ADGRL3: variants seen among roughly 807,000 people sequenced by gnomAD.
ADGRL3 encodes calcium-independent alpha-latrotoxin receptor 3.
Under a neutral mutation model 153.5 loss-of-function variants are expected in ADGRL3, and 62 were observed. The ratio of observed to expected loss-of-function variants is 0.40; its 90% CI spans 0.33 to 0.50. The LOEUF is 0.50. Among genes scored for constraint, ADGRL3 ranks in the 20% least tolerant of loss-of-function variants. The pLI is 0.47. For missense variants in ADGRL3, 1,641 were observed against 1,859.4 expected, an observed-to-expected ratio of 0.88 and a Z score of 2.16; for synonymous variants, 710 against 672.5, an observed-to-expected ratio of 1.06 and a Z score of -0.86.
intron 6 of ADGRL3, among the ~76,000 whole-genome samples, chr4:61,730,321 T>G (rs886405370): frequency 6.6e-6 from 1 of 151,988 alleles, no homozygotes. Context: ...GTTCTTATTA[T>G]GAATATTGCA....
chr4:61,747,680 A>G (rs1365371670), intron 8 of ADGRL3, among the ~76,000 whole-genome samples: 36 of 142,600 alleles, frequency 2.5e-4, no homozygotes, highest in African/African-American at 1.0e-3. Flanking sequence ...AAAACTCTCA[A>G]TAAATTAGGT....
At chr4:61,758,786 AC>A (rs2096871439) in intron 8 of ADGRL3, among the ~76,000 whole-genome samples, 1 of 152,136 alleles carries the variant, frequency 6.6e-6, no homozygotes, top group Admixed American at 6.6e-5. Context: ...GATGGTCTTT[AC>A]AATTTGGCAT....
intron 4 of ADGRL3, among the ~76,000 whole-genome samples, chr4:61,564,012 A>C (rs2098806399): frequency 1.3e-5 from 2 of 152,120 alleles, no homozygotes; most frequent in Non-Finnish European, 2.9e-5. Flanking sequence ...TCTCAAATAA[A>C]TAAATAAATA....
intron 4 of ADGRL3, among the ~76,000 whole-genome samples, chr4:61,585,835 T>C (rs1360509814): frequency 1.3e-5 from 2 of 151,988 alleles, no homozygotes; most frequent in African/African-American, 4.8e-5. Flanking sequence ...AAATTAAATA[T>C]ATATGTCCAG....
chr4:61,463,558 A>G (rs375327361), intron 2 of ADGRL3, among the ~76,000 whole-genome samples: 1 of 152,148 alleles, frequency 6.6e-6, no homozygotes, highest in Non-Finnish European at 1.5e-5. Flanking sequence ...TTACAACTGG[A>G]CATGAGATTT....
chr4:61,471,769 T>C (rs917819580), intron 2 of ADGRL3, among the ~76,000 whole-genome samples: 4 of 152,046 alleles, frequency 2.6e-5, no homozygotes, highest in African/African-American at 9.7e-5. Flanking sequence ...GGATTTCTTG[T>C]AATCACAGAA....
intron 1 of ADGRL3, among the ~76,000 whole-genome samples, chr4:61,283,861 A>G (rs535179451): frequency 6.6e-6 from 1 of 151,934 alleles, no homozygotes; most frequent in Non-Finnish European, 1.5e-5. Context: ...TTTTTGCCCA[A>G]ATTTGAAAGG....
Position 61,610,983 on chromosome 4 carries a change from G to A in ADGRL3, c.473+23543G>A, listed in dbSNP as rs181521244. On this transcript the variant is annotated intron_variant, in intron 5 of 26. Transcript: ENST00000683033. ...AAATATTGTCTTTCTTTCCCCACAC[G>A]AGACCATTATGTCAAAATGTTAATA... is the stretch of plus-strand genomic sequence containing the variant. 1.7e-3 allele frequency among the ~76,000 whole-genome samples: 264 copies of A among 152,034 alleles called. 2 individuals are homozygous for A. Among genetic ancestry groups the A allele is most frequent in the African/African-American group, 5.8e-3 (239 of 41,478 alleles).
intron 9 of ADGRL3, among the ~76,000 whole-genome samples, chr4:61,823,737 C>T (rs2097775670): frequency 2.0e-5 from 3 of 152,018 alleles, no homozygotes; most frequent in Non-Finnish European, 1.5e-5. Flanking sequence ...AAAGGAACTA[C>T]GACTTAGTGC....
chr4:61,419,786 A>G (rs2097181952), intron 2 of ADGRL3, among the ~76,000 whole-genome samples: 1 of 151,508 alleles, frequency 6.6e-6, no homozygotes, highest in African/African-American at 2.4e-5. Context: ...ACAGATTTAA[A>G]CATATTTAGA....
chr4:61,245,231 T>C (rs1298613993), intron 1 of ADGRL3, among the ~76,000 whole-genome samples: 3 of 151,912 alleles, frequency 2.0e-5, no homozygotes, highest in Non-Finnish European at 4.4e-5. Context: ...ACATATAAGG[T>C]TTTTAGCCTC....
At chr4:61,614,523 C>T (rs529919860) in intron 5 of ADGRL3, among the ~76,000 whole-genome samples, 2 of 152,020 alleles carry the variant, frequency 1.3e-5, no homozygotes, top group African/African-American at 2.4e-5. Flanking sequence ...TTTCAACAAG[C>T]CACACTAGAT....
intron 1 of ADGRL3, among the ~76,000 whole-genome samples, chr4:61,297,874 C>T (rs1452876902): frequency 1.3e-5 from 2 of 152,110 alleles, no homozygotes; most frequent in Admixed American, 6.6e-5. Flanking sequence ...ACTGCTACTA[C>T]TACTGACCAC....
intron 2 of ADGRL3, among the ~76,000 whole-genome samples, chr4:61,395,073 A>T (rs2096854016): frequency 6.6e-6 from 1 of 152,054 alleles, no homozygotes; most frequent in Non-Finnish European, 1.5e-5. Context: ...ATTTTAATAG[A>T]TTACGTTTCA....
At chr4:61,788,341 G>T (rs2097301667) in intron 8 of ADGRL3, among the ~76,000 whole-genome samples, 1 of 152,120 alleles carries the variant, frequency 6.6e-6, no homozygotes, top group Non-Finnish European at 1.5e-5. Context: ...GAGAACTGAA[G>T]ACAGATCACA....
intron 3 of ADGRL3, among the ~76,000 whole-genome samples, chr4:61,505,089 T>C (rs374195356): frequency 6.6e-6 from 1 of 152,212 alleles, no homozygotes; most frequent in East Asian, 1.9e-4. Context: ...AAGGTTCCCC[T>C]TTCTCCACAT....
chr4:61,984,980 T>TA (rs2099080380), intron 19 of ADGRL3, among the ~76,000 whole-genome samples: 1 of 152,064 alleles, frequency 6.6e-6, no homozygotes, highest in Non-Finnish European at 1.5e-5. Flanking sequence ...ATCAAATTAA[T>TA]AGGAGGAGAT....
chr4:61,310,999 G>A (rs931345398), intron 1 of ADGRL3, among the ~76,000 whole-genome samples: 1 of 151,564 alleles, frequency 6.6e-6, no homozygotes, highest in African/African-American at 2.4e-5. Context: ...TGGATATCTA[G>A]ATCTTAGGCA....
At chr4:61,373,105 C>G (rs2096559334) in intron 1 of ADGRL3, among the ~76,000 whole-genome samples, 1 of 152,168 alleles carries the variant, frequency 6.6e-6, no homozygotes, top group African/African-American at 2.4e-5. Flanking sequence ...GGTGCGCACA[C>G]TCACTGACCT....
Sources: allele counts gnomAD v4.1 joint callset (sites outside exome capture counted in the v4.1 genomes callset), GRCh38; gene constraint gnomAD v4.1.1; transcripts MANE v1.5; gene names NCBI Gene and HGNC (gene_info 2026-07-23, HGNC 2026-07-21).